PDE7B: variants seen among roughly 807,000 people sequenced by gnomAD.
PDE7B encodes the protein phosphodiesterase 7B, also known as 3',5'-cyclic-AMP phosphodiesterase 7B.
A neutral mutation model predicts 56.2 loss-of-function variants in PDE7B; 29 were observed. That is an observed-to-expected ratio of 0.52 (90% CI 0.38 to 0.70). PDE7B has a LOEUF of 0.70. Ranked by LOEUF, PDE7B falls within the 30% of genes least tolerant of loss-of-function variation. The probability of loss-of-function intolerance (pLI) is 0.00; values close to 1 mark genes in which losing one functional copy is unlikely to be tolerated. For missense variants in PDE7B, 490 were observed against 565.0 expected (o/e 0.87, Z 1.35); for synonymous variants, 197 against 196.9 (o/e 1.00, Z 0.00).
intron 1 of PDE7B, among the ~76,000 whole-genome samples, chr6:135,939,306 T>G (rs1330001828): frequency 6.6e-6 from 1 of 152,186 alleles, no homozygotes; most frequent in African/African-American, 2.4e-5. Context: ...TTTTTTCTTT[T>G]GCTGGTGTGT....
intron 12 of PDE7B, among the ~76,000 whole-genome samples, chr6:136,190,291 C>T (rs1779201260): frequency 1.3e-5 from 2 of 152,184 alleles, no homozygotes. Flanking sequence ...AACTTTCCCC[C>T]TCCAGTTCAG....
chr6:136,073,959 A>G (rs909841597), intron 2 of PDE7B, among the ~76,000 whole-genome samples: 3 of 152,190 alleles, frequency 2.0e-5, no homozygotes, highest in Non-Finnish European at 4.4e-5. Context: ...TATTCTTTCC[A>G]ATAGAAATAA....
At chr6:136,055,078 TG>T (rs1454729015) in intron 2 of PDE7B, among the ~76,000 whole-genome samples, 15 of 152,334 alleles carry the variant, frequency 9.8e-5, no homozygotes, top group African/African-American at 3.1e-4. Flanking sequence ...ACTGTCCAGG[TG>T]GCTCATCTCT....
chr6:135,983,121 T>TA (rs1484085041), intron 2 of PDE7B, among the ~76,000 whole-genome samples: 8 of 152,222 alleles, frequency 5.3e-5, no homozygotes, highest in African/African-American at 1.9e-4. Context: ...AATGAATCTC[T>TA]AATGAGGGAA....
intron 2 of PDE7B, among the ~76,000 whole-genome samples, chr6:136,002,825 T>A (rs1272796847): frequency 6.6e-6 from 1 of 151,958 alleles, no homozygotes; most frequent in East Asian, 1.9e-4. Flanking sequence ...ACCCAGGAAT[T>A]GAACTCAGCT....
intron 2 of PDE7B, among the ~76,000 whole-genome samples, chr6:136,035,540 G>A (rs1433166802): frequency 6.6e-6 from 1 of 152,130 alleles, no homozygotes; most frequent in African/African-American, 2.4e-5. Flanking sequence ...CTTTCTTGTG[G>A]TATTTTTGCC....
intron 2 of PDE7B, among the ~76,000 whole-genome samples, chr6:135,980,377 A>C (rs1775274532): frequency 6.6e-6 from 1 of 152,222 alleles, no homozygotes; most frequent in South Asian, 2.1e-4. Context: ...GGACACAGGC[A>C]TGGGCAAGAA....
intron 2 of PDE7B, among the ~76,000 whole-genome samples, chr6:135,996,789 C>T (rs1433672782): frequency 1.3e-5 from 2 of 152,140 alleles, no homozygotes; most frequent in Admixed American, 6.5e-5. Context: ...GTATGCACAG[C>T]ACTTGTGTGA....
At position 135,865,615 on chromosome 6, in the gene PDE7B, T is replaced by TTGTGTGTGTG. The variant is rs3037648; in HGVS notation, c.21+13622_21+13631dup. Among the ~76,000 whole-genome samples the TTGTGTGTGTG allele has an allele frequency of 4.8e-3, 680 of 142,346 alleles. 8 individuals are homozygous for TTGTGTGTGTG. The highest frequency in any genetic ancestry group is 0.016 in the African/African-American group (597 of 38,270). The allele number at this position is 142,346 out of a possible 152,430, so 93.4% of individuals were successfully genotyped here. On this transcript the variant is annotated intron_variant, in intron 1 of 12. Coordinates refer to ENST00000308191, the MANE Select transcript of PDE7B (RefSeq NM_018945.4). The stretch of plus-strand genomic sequence containing the variant: ...GTTATTTTTGATGAAGCACTAGGCA[T>TTGTGTGTGTG]TGTGTGTGTGTGTGTGTGTGTGTGT...
chr6:135,968,890 T>A (rs1463040419), intron 2 of PDE7B, among the ~76,000 whole-genome samples: 1 of 152,150 alleles, frequency 6.6e-6, no homozygotes, highest in African/African-American at 2.4e-5. Context: ...TCAACCCAAA[T>A]GTCAATCAAT....
intron 1 of PDE7B, among the ~76,000 whole-genome samples, chr6:135,869,653 C>T (rs1177341546): frequency 6.6e-6 from 1 of 152,046 alleles, no homozygotes. Context: ...GCTAAATCTA[C>T]GAAGAAAGTA....
At chr6:135,920,454 C>A (rs1269525827) in intron 1 of PDE7B, among the ~76,000 whole-genome samples, 2 of 152,140 alleles carry the variant, frequency 1.3e-5, no homozygotes, top group South Asian at 4.1e-4. Flanking sequence ...GTATACATGA[C>A]CCTCCCCATC....
intron 3 of PDE7B, among the ~76,000 whole-genome samples, chr6:136,131,564 A>T (rs1471098293): frequency 8.8e-6 from 1 of 113,636 alleles, no homozygotes; most frequent in Admixed American, 1.3e-4. Flanking sequence ...TCCCTTCCCC[A>T]CAAGCTGCTG....
intron 2 of PDE7B, among the ~76,000 whole-genome samples, chr6:136,087,795 T>G (rs984649006): frequency 2.0e-5 from 3 of 152,216 alleles, no homozygotes; most frequent in African/African-American, 7.2e-5. Context: ...GGCAGTGTTG[T>G]TCTCGCATTC....
At chr6:135,970,770 G>A (rs1035644807) in intron 2 of PDE7B, among the ~76,000 whole-genome samples, 1 of 152,124 alleles carries the variant, frequency 6.6e-6, no homozygotes, top group Non-Finnish European at 1.5e-5. Context: ...TACGACATTC[G>A]TCAGGGCTGG....
intron 2 of PDE7B, among the ~76,000 whole-genome samples, chr6:136,054,304 A>C (rs991200676): frequency 6.6e-6 from 1 of 152,176 alleles, no homozygotes; most frequent in African/African-American, 2.4e-5. Context: ...CCATTTATTA[A>C]ATAGGGAATC....
chr6:136,181,876 T>G (rs1184196714), intron 11 of PDE7B, among the ~76,000 whole-genome samples: 1 of 152,218 alleles, frequency 6.6e-6, no homozygotes, highest in African/African-American at 2.4e-5. Flanking sequence ...CAAATGGCCC[T>G]GAATTAGGGT....
chr6:136,159,665 C>A (rs890632166), intron 8 of PDE7B, among the ~76,000 whole-genome samples: 1 of 152,176 alleles, frequency 6.6e-6, no homozygotes, highest in Non-Finnish European at 1.5e-5. Context: ...CTCCTAAAGT[C>A]TTGCACCTTG....
At chr6:135,971,862 G>A (rs1265488274) in intron 2 of PDE7B, among the ~76,000 whole-genome samples, 2 of 152,112 alleles carry the variant, frequency 1.3e-5, no homozygotes, top group Admixed American at 1.3e-4. Flanking sequence ...ATTTAGTTGT[G>A]GCAGCTGTTT....
Sources: gnomAD v4.1 joint callset for allele counts (sites outside exome capture counted in the v4.1 genomes callset) on GRCh38, gnomAD v4.1.1 for gene constraint, MANE v1.5 for transcripts, NCBI Gene and HGNC (gene_info 2026-07-23, HGNC 2026-07-21) for gene names.